The following PIAS3 variants were observed in gnomAD, a reference collection of about 807,000 sequenced individuals.
PIAS3 encodes protein inhibitor of activated STAT 3, also known as E3 SUMO-protein ligase PIAS3.
In PIAS3, 34 loss-of-function variants were observed where a neutral mutation model predicts 67.6. The ratio of observed to expected loss-of-function variants is 0.50; its 90% CI spans 0.38 to 0.67. PIAS3 has a LOEUF of 0.67. Ranked by LOEUF, PIAS3 falls within the 30% of genes least tolerant of loss-of-function variation. The pLI is 0.00. For missense variants in PIAS3, 693 were observed against 791.6 expected, an observed-to-expected ratio of 0.88 and a Z score of 1.49; for synonymous variants, 341 against 313.8, an observed-to-expected ratio of 1.09 and a Z score of -0.92.
At chr1:145,852,257 C>G (rs1296063742) in intron 9 of PIAS3, among the ~76,000 whole-genome samples, 1 of 151,998 alleles carries the variant, frequency 6.6e-6, no homozygotes, top group Non-Finnish European at 1.5e-5. Context: ...GACCCTGTCT[C>G]AAAAACAAAC....
In PIAS3 at chr1:145,854,840, C is replaced by G. The variant is rs782023573; in HGVS notation, c.710G>C (p.Arg237Thr). ...TGTGATGTTGATGGGGCGGCTGGGCCTCTTGGGCTCGGCCCCATTCTTGGT... is the reference window on the plus strand; with the variant it reads ...TGTGATGTTGATGGGGCGGCTGGGCGTCTTGGGCTCGGCCCCATTCTTGGT... ...PPTKNGAEPK[R>T]PSRPINITPL... Residue 237 changes from arginine (R) to threonine (T), a missense_variant, in exon 6 of 14, where the codon AGG becomes ACG. Coordinates refer to ENST00000393045, the MANE Select transcript of PIAS3 (RefSeq NM_006099.3). 6.2e-7 allele frequency: 1 copy of G among 1,614,198 alleles called. No individual in the cohort carries two copies. Among genetic ancestry groups the G allele is most frequent in the East Asian group, 2.2e-5 (1 of 44,886 alleles).
chr1:145,858,433 T>A (rs1653280650), intron 1 of PIAS3, among the ~76,000 whole-genome samples: 1 of 151,730 alleles, frequency 6.6e-6, no homozygotes, highest in African/African-American at 2.4e-5. Flanking sequence ...CCCCTCGAGG[T>A]ATCGGCCCGC....
rs782535681 is a variant in PIAS3, at chr1:145,856,030, C to T, written c.578+38G>A. Reference sequence around the variant, plus strand: ...CATACCCCTACTTCACTCCTACCCCCAGTGGGTACCCAGGATAGGCAGGGA... The same window carrying T: ...CATACCCCTACTTCACTCCTACCCCTAGTGGGTACCCAGGATAGGCAGGGA... On this transcript the variant is annotated intron_variant, in intron 4 of 13. Transcript: ENST00000393045. The T allele has an allele frequency of 4.5e-6, 7 of 1,557,780 alleles. No homozygotes were observed. In the Admixed American group the frequency reaches 1.2e-4, roughly 26 times the overall value.
chr1:145,856,335 G>T lies in PIAS3; in HGVS notation c.527+12C>A. Reference sequence around the variant, plus strand: ...GACCAGGGATGAGGCAGGAAGACTGGAAGAGATGTACCTGGATGTAAGAAT... The same window carrying T: ...GACCAGGGATGAGGCAGGAAGACTGTAAGAGATGTACCTGGATGTAAGAAT... On this transcript the variant is annotated intron_variant, in intron 3 of 13. Coordinates refer to ENST00000393045, the MANE Select transcript of PIAS3 (RefSeq NM_006099.3). The T allele has an allele frequency of 6.2e-7, 1 of 1,607,396 alleles. No individual in the cohort carries two copies. The highest frequency in any genetic ancestry group is 1.3e-5 in the African/African-American group (1 of 74,898).
Position 145,848,573 on chromosome 1 carries a change from T to C in PIAS3, c.*873A>G. On this transcript the variant is annotated 3_prime_UTR_variant, in exon 14 of 14. Transcript: ENST00000393045. Reference sequence around the variant, plus strand: ...GAGAGCTTCACTACAACTTTAGAAATAAAAAGTAAAATTACAACATAGGTC... The same window carrying C: ...GAGAGCTTCACTACAACTTTAGAAACAAAAAGTAAAATTACAACATAGGTC... 1 of 918,708 alleles carries C rather than the reference T, an allele frequency of 1.1e-6. No individual in the cohort carries two copies. Among genetic ancestry groups the C allele is most frequent in the Non-Finnish European group, 1.7e-6 (1 of 586,394 alleles). 56.9% of individuals were successfully genotyped at this position (918,708 alleles called of 1,614,324 possible).
At chr1:145,858,909 C>T (rs1332320844) in intron 1 of PIAS3, 58 bp downstream of exon 1, 3 of 1,444,664 alleles carry the variant, frequency 2.1e-6, no homozygotes, top group Non-Finnish European at 2.7e-6. Flanking sequence ...GGTCGCTTCC[C>T]GGACACGGCG....
At chr1:145,854,261 T>A in intron 7 of PIAS3, 197 bp downstream of exon 7, 1 of 605,002 alleles carries the variant, frequency 1.7e-6, no homozygotes, top group Non-Finnish European at 2.9e-6. Flanking sequence ...GATTGGAAAT[T>A]CAAGGGTGCC....
In PIAS3 at chr1:145,856,579, A is replaced by G; in HGVS notation, c.442+10T>C. On this transcript the variant is annotated intron_variant, in intron 2 of 13. Coordinates refer to ENST00000393045, the MANE Select transcript of PIAS3 (RefSeq NM_006099.3). ...AGTCCAGAAGACTAAGGGACCACAAAGAGCCATACCAAGGGTGGTGGGCCG... is the reference window on the plus strand; with the variant it reads ...AGTCCAGAAGACTAAGGGACCACAAGGAGCCATACCAAGGGTGGTGGGCCG... 6.4e-7 allele frequency: 1 copy of G among 1,571,610 alleles called. No homozygotes were observed. The highest frequency in any genetic ancestry group is 8.6e-7 in the Non-Finnish European group (1 of 1,158,396).
In PIAS3 at chr1:145,853,913, T is replaced by C. The variant is rs200531514; in HGVS notation, c.911-27A>G. On this transcript the variant is annotated intron_variant, in intron 7 of 13. Coordinates refer to ENST00000393045, the MANE Select transcript of PIAS3 (RefSeq NM_006099.3). ...TGAAACAAAAGTGAGGCCAGAGCCA[T>C]GGGGTCAGCAAGGCTGGAGGAAGCC... 2.1e-5 allele frequency: 33 copies of C among 1,608,614 alleles called. No individual in the cohort carries two copies. In the Admixed American group the frequency reaches 5.2e-4, roughly 25 times the overall value.
intron 4 of PIAS3, 97 bp from the exon 5 acceptor site, chr1:145,855,923 C>G (rs1653154709): frequency 2.9e-6 from 3 of 1,041,302 alleles, no homozygotes; most frequent in Admixed American, 1.7e-5. Context: ...GTCATAGATG[C>G]CTGAAGCCCT....
At chr1:145,853,689 C>A in intron 8 of PIAS3, 25 bp from the exon 9 acceptor site, 1 of 1,612,662 alleles carries the variant, frequency 6.2e-7, no homozygotes, top group Non-Finnish European at 8.5e-7. Flanking sequence ...GTTCTCTTGT[C>A]AGAGGCCCTA....
At chr1:145,856,260 G>A (rs1237288678) in intron 3 of PIAS3, 87 bp downstream of exon 3, 2 of 1,251,614 alleles carry the variant, frequency 1.6e-6, no homozygotes, top group Non-Finnish European at 2.4e-6. Flanking sequence ...GGTATAGGAG[G>A]AGGGATAGGG....
intron 12 of PIAS3, 25 bp downstream of exon 12, chr1:145,850,428 G>A: frequency 6.2e-7 from 1 of 1,613,702 alleles, no homozygotes; most frequent in Non-Finnish European, 8.5e-7. Context: ...GCAGTGCAGG[G>A]TCCATCTTAT....
intron 1 of PIAS3, 48 bp downstream of exon 1, chr1:145,858,919 G>A: frequency 1.4e-6 from 2 of 1,458,866 alleles, no homozygotes; most frequent in Non-Finnish European, 1.8e-6. Context: ...CGGACACGGC[G>A]TACCGCCGGG....
intron 9 of PIAS3, 37 bp from the exon 10 acceptor site, chr1:145,851,190 G>T (rs587622030): frequency 3.1e-6 from 5 of 1,609,200 alleles, no homozygotes; most frequent in Non-Finnish European, 4.3e-6. Context: ...ACGGGGCTGG[G>T]AGATGAGCAG....
In PIAS3 at chr1:145,856,115, C is replaced by A; in HGVS notation, c.531G>T (p.Glu177Asp). Reference protein sequence around the residue: ...QQVQQILTSREVLPGAKCDYT... With the variant: ...QQVQQILTSRDVLPGAKCDYT... ...AATCACATTTGGCTCCTGGCAGAAC[C>A]TCTCTGTAACAGGGAGGGAGATGAA... Residue 177 changes from glutamate to aspartate, a missense_variant, in exon 4 of 14, where the codon GAG (glutamate) becomes GAT (aspartate). This residue lies in a region of PIAS3 where 308 missense variants were observed against 348.8 expected (regional missense o/e 0.88). Transcript: ENST00000393045. The A allele has an allele frequency of 6.2e-7, 1 of 1,613,640 alleles. No individual in the cohort carries two copies. Among genetic ancestry groups the A allele is most frequent in the Admixed American group, 1.7e-5 (1 of 60,022 alleles).
Position 145,854,853 on chromosome 1 carries a change from C to T in PIAS3, c.697G>A (p.Ala233Thr), listed in dbSNP as rs1553735209. Residue 233 changes from alanine (A) to threonine (T), a missense_variant, in exon 6 of 14, where the codon GCC (alanine) becomes ACC (threonine). Physicochemically the swap from Ala to Thr is moderately conservative, Grantham distance 58. Coordinates refer to ENST00000393045, the MANE Select transcript of PIAS3 (RefSeq NM_006099.3). ...GGGCGGCTGGGCCTCTTGGGCTCGG[C>T]CCCATTCTTGGTTGGGGGAAGGTAA... is the stretch of plus-strand genomic sequence containing the variant. ...PGYLPPTKNG[A>T]EPKRPSRPIN... 6.2e-7 allele frequency: 1 copy of T among 1,614,094 alleles called. No individual in the cohort carries two copies. The highest frequency in any genetic ancestry group is 1.1e-5 in the South Asian group (1 of 91,072).
Position 145,850,255 on chromosome 1 carries a change from AAAAT to A in PIAS3, c.1593_1596del (p.Leu531PhefsTer19). 6.2e-7 allele frequency: 1 copy of A among 1,614,220 alleles called. No individual in the cohort carries two copies. Among genetic ancestry groups the A allele is most frequent in the Non-Finnish European group, 8.5e-7 (1 of 1,180,028 alleles). ...ACCTGACTCTCTGTCTGAAGAAATG[AAAAT>A]AAATCTAAACCTGGCAGGAAAAGAA... is the stretch of plus-strand genomic sequence containing the variant. On this transcript the variant is annotated frameshift_variant, in exon 13 of 14. Coordinates refer to ENST00000393045, the MANE Select transcript of PIAS3 (RefSeq NM_006099.3). LOFTEE classifies it high-confidence loss of function.
In PIAS3 at chr1:145,856,915, G is replaced by A; in HGVS notation, c.116C>T (p.Ala39Val). Residue 39 changes from alanine to valine, a missense_variant, in exon 2 of 14, where the codon GCC (alanine) becomes GTC (valine). By Grantham distance (64) the Ala-to-Val change is moderately conservative. Transcript: ENST00000393045. ...GGACTTCAGGAGGTGCAGAGCCTTG[G>A]CCAGGAGCTCGTGCTTCCGTCCACT... ...NKSGRKHELL[A>V]KALHLLKSSC... 6.2e-7 allele frequency: 1 copy of A among 1,614,114 alleles called. No individual in the cohort carries two copies.
Sources: gnomAD v4.1 joint callset for allele counts (sites outside exome capture counted in the v4.1 genomes callset) on GRCh38, gnomAD v4.1.1 for gene constraint, gnomAD v4.1.1 regional missense constraint, MANE v1.5 for transcripts, NCBI Gene and HGNC (gene_info 2026-07-23, HGNC 2026-07-21) for gene names.